Variants in NHSL3 observed in about 807,000 individuals in gnomAD.
The protein encoded by NHSL3 is NHS like 3, also known as NHS-like protein 3.
At chr1:32,747,829 G>A in the NHSL3 span, among the ~76,000 whole-genome samples, 3 of 152,046 alleles carry the variant, frequency 2.0e-5, no homozygotes, top group African/African-American at 4.8e-5. Context: ...AATTATGGCC[G>A]GACACAGTGG....
At chr1:32,749,069 A>T in the NHSL3 span, among the ~76,000 whole-genome samples, 1 of 152,068 alleles carries the variant, frequency 6.6e-6, no homozygotes. Context: ...TATAGGGGGG[A>T]AAATACGCTG....
At chr1:32,768,045 C>T in the NHSL3 span, 62 of 1,613,748 alleles carry the variant, frequency 3.8e-5, no homozygotes, top group African/African-American at 6.7e-5. Flanking sequence ...CCAACAGACC[C>T]TTCTGGTGTC....
the NHSL3 span, chr1:32,772,172 A>G: frequency 6.2e-7 from 1 of 1,613,364 alleles, no homozygotes; most frequent in Non-Finnish European, 8.5e-7. Flanking sequence ...CTCCAGCGGA[A>G]TCTGGTGGCA....
chr1:32,770,375 T>A, the NHSL3 span: 2 of 1,608,876 alleles, frequency 1.2e-6, no homozygotes, highest in Non-Finnish European at 1.7e-6. The surrounding 1 kb of genome is among the most constrained non-coding windows in gnomAD (Gnocchi z 8.3). Flanking sequence ...TTCTCCTCCG[T>A]CTCCAGCCCA....
the NHSL3 span, among the ~76,000 whole-genome samples, chr1:32,748,467 C>G: frequency 1.3e-5 from 2 of 152,120 alleles, no homozygotes; most frequent in Non-Finnish European, 2.9e-5. Flanking sequence ...GTCAACACTC[C>G]CATGTGTTTT....
the NHSL3 span, chr1:32,771,897 G>A: frequency 4.3e-5 from 69 of 1,588,326 alleles, no homozygotes; most frequent in South Asian, 4.3e-4. Context: ...TGGGGCCATC[G>A]GCCCCCCAGA....
the NHSL3 span, among the ~76,000 whole-genome samples, chr1:32,763,280 G>A: frequency 2.8e-4 from 42 of 152,134 alleles, no homozygotes; most frequent in African/African-American, 9.6e-4. Flanking sequence ...CACCGTGCAC[G>A]GCCAGAATAT....
chr1:32,768,673 G>A, the NHSL3 span: 4 of 1,614,082 alleles, frequency 2.5e-6, no homozygotes, highest in African/African-American at 1.3e-5. Flanking sequence ...GGGGCCGGAT[G>A]AAGACAACAT....
chr1:32,757,182 A>T, the NHSL3 span, among the ~76,000 whole-genome samples: 2 of 152,222 alleles, frequency 1.3e-5, no homozygotes, highest in African/African-American at 4.8e-5. Context: ...TGCCAGTATA[A>T]GTACTCATTT....
the NHSL3 span, among the ~76,000 whole-genome samples, chr1:32,759,262 A>G: frequency 1.3e-5 from 2 of 152,164 alleles, no homozygotes; most frequent in African/African-American, 4.8e-5. Context: ...AGAGAGGCCA[A>G]TTCCTTCATC....
chr1:32,750,813 T>C, the NHSL3 span, among the ~76,000 whole-genome samples: 1 of 139,104 alleles, frequency 7.2e-6, no homozygotes, highest in African/African-American at 2.7e-5. Flanking sequence ...GCCCCTTTTA[T>C]TTATTTATTT....
the NHSL3 span, among the ~76,000 whole-genome samples, chr1:32,759,315 C>T: frequency 1.3e-5 from 2 of 152,302 alleles, no homozygotes; most frequent in East Asian, 3.9e-4. Context: ...GCTCTTTCTT[C>T]TCCTTACTCT....
the NHSL3 span, chr1:32,768,949 AAG>A: frequency 1.2e-6 from 1 of 840,770 alleles, no homozygotes; most frequent in Non-Finnish European, 1.7e-6. Flanking sequence ...TAAAGCAGTT[AAG>A]AGTTAGAAAA....
At chr1:32,765,483 A>AT in the NHSL3 span, among the ~76,000 whole-genome samples, 2 of 152,196 alleles carry the variant, frequency 1.3e-5, no homozygotes, top group Non-Finnish European at 2.9e-5. Flanking sequence ...CCTCCTAATC[A>AT]TACTCTACTG....
the NHSL3 span, chr1:32,770,618 G>A: frequency 6.6e-7 from 1 of 1,516,250 alleles, no homozygotes; most frequent in Non-Finnish European, 8.8e-7. This position sits in a 1 kb window ranked among gnomAD's most constrained non-coding sequence, Gnocchi z 8.3. Flanking sequence ...AGCATTCGGA[G>A]CAGTGGGCAG....
At chr1:32,754,311 C>T in the NHSL3 span, 1 of 575,292 alleles carries the variant, frequency 1.7e-6, no homozygotes, top group Non-Finnish European at 3.2e-6. Flanking sequence ...GCGCAGACCC[C>T]ACCCCTCACA....
the NHSL3 span, among the ~76,000 whole-genome samples, chr1:32,756,201 C>T: frequency 6.6e-6 from 1 of 152,058 alleles, no homozygotes; most frequent in Admixed American, 6.5e-5. Context: ...ATATCAAAAG[C>T]CTTCTGGGTT....
chr1:32,756,711 G>C, the NHSL3 span, among the ~76,000 whole-genome samples: 12 of 144,954 alleles, frequency 8.3e-5, no homozygotes, highest in Admixed American at 1.4e-4. Context: ...GCTCACACCT[G>C]TAATCCCAGC....
the NHSL3 span, chr1:32,774,170 AG>A: frequency 6.6e-6 from 1 of 152,642 alleles, no homozygotes; most frequent in Non-Finnish European, 1.5e-5. Flanking sequence ...GCTGCCCCCC[AG>A]GGCCACCGCT....
Sources: allele counts gnomAD v4.1 joint callset (sites outside exome capture counted in the v4.1 genomes callset), GRCh38; gene constraint gnomAD v4.1.1; non-coding constraint Gnocchi (gnomAD v3.1); transcripts MANE v1.5; gene names NCBI Gene and HGNC (gene_info 2026-07-23, HGNC 2026-07-21).